The following MICAL2 variants were observed in gnomAD, a reference collection of about 807,000 sequenced individuals.
MICAL2 encodes [F-actin]-monooxygenase MICAL2.
A neutral mutation model predicts 127.3 loss-of-function variants in MICAL2; 77 were observed. That is an observed-to-expected ratio of 0.60 (90% CI 0.50 to 0.73). The LOEUF is 0.73. MICAL2 is among the 30% of genes least tolerant of loss of function. The pLI, the probability that MICAL2 is intolerant of heterozygous loss-of-function variation, is 0.00. For missense variants in MICAL2, 1,351 were observed against 1,434.4 expected, an observed-to-expected ratio of 0.94 and a Z score of 0.94; for synonymous variants, 570 against 551.1, an observed-to-expected ratio of 1.03 and a Z score of -0.48.
downstream of MICAL2, among the ~76,000 whole-genome samples, chr11:12,288,592 T>G (rs1863855920): frequency 6.6e-6 from 1 of 152,200 alleles, no homozygotes; most frequent in Non-Finnish European, 1.5e-5. Flanking sequence ...AAAAGCTGCT[T>G]TGAGGGCAGG....
chr11:12,191,556 G>A (rs1859124127), intron 3 of MICAL2, among the ~76,000 whole-genome samples: 1 of 151,960 alleles, frequency 6.6e-6, no homozygotes, highest in Non-Finnish European at 1.5e-5. Flanking sequence ...TTGAGTTCAG[G>A]AGTTTGATAC....
intron 3 of MICAL2, among the ~76,000 whole-genome samples, chr11:12,176,429 A>G (rs1417356447): frequency 6.6e-6 from 1 of 152,216 alleles, no homozygotes; most frequent in East Asian, 1.9e-4. Flanking sequence ...GTGCCCAGCA[A>G]CCGTTAATCG....
rs3816921 is a variant in MICAL2 at position 12,224,686 on chromosome 11, G to C, written c.1554G>C (p.Arg518=). ...TCCTTCTTGCAGAGTCAGATATCCG[G>C]CCCAGCAAGCTCCTGACCTGGTGCC... The part of the protein sequence containing the change: ...VNLSRKESDI[R]PSKLLTWCQQ... Residue 518 remains arginine, a synonymous_variant, in exon 13 of 28, where the codon CGG becomes CGC. Coordinates refer to ENST00000683283, the MANE Select transcript of MICAL2 (RefSeq NM_001282663.2). The C allele has an allele frequency of 0.17, 272,150 of 1,613,570 alleles. 31,966 individuals carry two copies. Among genetic ancestry groups the C allele is most frequent in the East Asian group, 0.52 (23,388 of 44,834 alleles).
intron 22 of MICAL2, 53 bp from the exon 23 acceptor site, chr11:12,255,590 G>T (rs557410645): frequency 6.6e-7 from 1 of 1,520,816 alleles, no homozygotes; most frequent in African/African-American, 1.4e-5. Context: ...CCTCCTGGGT[G>T]CTAACTGGCC....
intron 3 of MICAL2, among the ~76,000 whole-genome samples, chr11:12,165,124 G>A (rs1855326055): frequency 7.0e-6 from 1 of 142,200 alleles, no homozygotes; most frequent in Non-Finnish European, 1.5e-5. Context: ...GGGTGACAGA[G>A]CGAGACTCCA....
At chr11:12,162,459 G>A in intron 3 of MICAL2, 40 bp downstream of exon 3, 2 of 1,606,896 alleles carry the variant, frequency 1.2e-6, no homozygotes, top group Non-Finnish European at 1.7e-6. Context: ...TGCAGGGCGT[G>A]TGGGTTGACA....
At chr11:12,273,424 C>T (rs1415586573), upstream of MICAL2, among the ~76,000 whole-genome samples, 3 of 152,150 alleles carry the variant, frequency 2.0e-5, no homozygotes, top group East Asian at 5.8e-4. Context: ...CTACATTCCT[C>T]AAATGCCTTC....
chr11:12,337,222 T>G (rs1475585173), intron 32 of MICAL2, among the ~76,000 whole-genome samples: 1 of 152,222 alleles, frequency 6.6e-6, no homozygotes, highest in Non-Finnish European at 1.5e-5. Context: ...TTCTTCTAGA[T>G]TTTCTAGTTT....
At chr11:12,287,016 C>T in intron 2 of MICAL2, 2 of 398,670 alleles carry the variant, frequency 5.0e-6, no homozygotes, top group Non-Finnish European at 8.9e-6. Context: ...GAGATAAATT[C>T]CTACTTACTC....
intron 13 of MICAL2, chr11:12,225,851 T>C (rs1230636644): frequency 3.1e-6 from 1 of 321,542 alleles, no homozygotes; most frequent in Non-Finnish European, 5.8e-6. Flanking sequence ...ACTTTTGTAA[T>C]TAAAAAGAAA....
chr11:12,217,753 C>G (rs1362825567), intron 8 of MICAL2, among the ~76,000 whole-genome samples: 1 of 152,180 alleles, frequency 6.6e-6, no homozygotes, highest in African/African-American at 2.4e-5. Flanking sequence ...AAAGCCCCTC[C>G]AGGCCCATGC....
chr11:12,280,221 A>G (rs1400554967), intron 1 of MICAL2, among the ~76,000 whole-genome samples: 2 of 152,302 alleles, frequency 1.3e-5, no homozygotes, highest in East Asian at 3.9e-4. Flanking sequence ...CAGTATTTAA[A>G]TGCCTGAAGT....
rs200919461 is a variant in MICAL2 at position 12,168,451 on chromosome 11, C to T, written c.264+6032C>T. ...ACCATATACACACATACACACACCA[C>T]ACACACGTACATACACATGCACTTA... On this transcript the variant is annotated intron_variant, in intron 3 of 27. Transcript: ENST00000683283. Among the ~76,000 whole-genome samples, 14 of 151,680 alleles carry T rather than the reference C, an allele frequency of 9.2e-5. No individual in the cohort carries two copies. In the East Asian group the frequency reaches 1.9e-3, roughly 21 times the overall value.
chr11:12,195,583 A>T (rs1032169886), intron 3 of MICAL2, among the ~76,000 whole-genome samples: 2 of 55,944 alleles, frequency 3.6e-5, no homozygotes, highest in Non-Finnish European at 2.0e-4. Context: ...AAAAAATTAC[A>T]ATGGGAAAAT....
At chr11:12,281,841 T>C (rs189701405) in intron 2 of MICAL2, among the ~76,000 whole-genome samples, 3 of 152,316 alleles carry the variant, frequency 2.0e-5, no homozygotes, top group East Asian at 1.9e-4. Flanking sequence ...TTGTGTTTAA[T>C]ACAAAGTTGA....
chr11:12,213,440 C>T, intron 7 of MICAL2, 30 bp downstream of exon 7: 1 of 1,605,406 alleles, frequency 6.2e-7, no homozygotes, highest in Non-Finnish European at 8.5e-7. Context: ...CCCAACCAGG[C>T]CAAGGTCTAA....
intron 15 of MICAL2, among the ~76,000 whole-genome samples, chr11:12,235,122 C>A (rs893883488): frequency 1.3e-5 from 2 of 152,138 alleles, no homozygotes; most frequent in Non-Finnish European, 2.9e-5. Context: ...AGAGGTCTTA[C>A]CCCAGAAAAG....
chr11:12,205,834 A>G lies in MICAL2; in HGVS notation c.472+1377A>G, dbSNP rs115623107. 3.5e-3 allele frequency among the ~76,000 whole-genome samples: 526 copies of G among 152,342 alleles called. 1 individual carries two copies. Among genetic ancestry groups the G allele is most frequent in the African/African-American group, 0.012 (497 of 41,582 alleles). On this transcript the variant is annotated intron_variant, in intron 4 of 27. Coordinates refer to ENST00000683283, the MANE Select transcript of MICAL2 (RefSeq NM_001282663.2). Reference sequence around the variant, plus strand: ...GCTGTACAGTGAGCAAGAAGCAGCCATCGTCCCCAGACTTCAGAATCCAGA... The same window carrying G: ...GCTGTACAGTGAGCAAGAAGCAGCCGTCGTCCCCAGACTTCAGAATCCAGA...
At chr11:12,212,684 C>T (rs540371952) in intron 6 of MICAL2, among the ~76,000 whole-genome samples, 16 of 152,184 alleles carry the variant, frequency 1.1e-4, no homozygotes, top group African/African-American at 3.6e-4. Context: ...CCTGCAATGA[C>T]GCTATTTCCA....
Sources: gnomAD v4.1 joint callset for allele counts (sites outside exome capture counted in the v4.1 genomes callset) on GRCh38, gnomAD v4.1.1 for gene constraint, MANE v1.5 for transcripts, NCBI Gene and HGNC (gene_info 2026-07-23, HGNC 2026-07-21) for gene names.